Variants in GABRB2 observed in about 807,000 individuals in gnomAD.
GABRB2 encodes gamma-aminobutyric acid type A receptor subunit beta2.
GABRB2 carries 16 observed loss-of-function variants against 54.7 expected under a neutral mutation model. The observed-to-expected ratio is 0.29, with a 90% CI of 0.20 to 0.44. GABRB2 has a LOEUF of 0.44. Ranked by LOEUF, GABRB2 falls within the 20% of genes least tolerant of loss-of-function variation. The pLI is 1.00. For synonymous variants in GABRB2, 244 were observed against 233.8 expected, an observed-to-expected ratio of 1.04 and a Z score of -0.40; for missense variants, 355 against 644.0, an observed-to-expected ratio of 0.55 and a Z score of 4.86.
At chr5:161,311,264 CT>C (rs1482378237) in intron 9 of GABRB2, among the ~76,000 whole-genome samples, 3 of 152,224 alleles carry the variant, frequency 2.0e-5, no homozygotes, top group Non-Finnish European at 4.4e-5. Context: ...TTTTCAGAGA[CT>C]TAGCTAGGCT....
intron 3 of GABRB2, among the ~76,000 whole-genome samples, chr5:161,485,117 A>G (rs1001924658): frequency 6.6e-6 from 1 of 151,836 alleles, no homozygotes; most frequent in Non-Finnish European, 1.5e-5. Flanking sequence ...GTCCTAAAAT[A>G]TATACCACTT....
chr5:161,467,631 T>G (rs1027557771), intron 3 of GABRB2, among the ~76,000 whole-genome samples: 1 of 152,078 alleles, frequency 6.6e-6, no homozygotes, highest in African/African-American at 2.4e-5. Context: ...TATTTCCACT[T>G]TTCAAAAATA....
At chr5:161,384,205 A>G (rs1035742625) in intron 5 of GABRB2, among the ~76,000 whole-genome samples, 1 of 152,248 alleles carries the variant, frequency 6.6e-6, no homozygotes, top group Non-Finnish European at 1.5e-5. Flanking sequence ...GTCAATTAAT[A>G]ATTCAAAAGA....
intron 3 of GABRB2, among the ~76,000 whole-genome samples, chr5:161,513,056 G>GAAAAAA (rs755660749): frequency 7.4e-6 from 1 of 135,934 alleles, no homozygotes; most frequent in African/African-American, 2.7e-5. Flanking sequence ...AAAGAAAAAA[G>GAAAAAA]AAAAAAAAAA....
At chr5:161,304,896 T>A (rs1252623687) in intron 9 of GABRB2, among the ~76,000 whole-genome samples, 2 of 151,980 alleles carry the variant, frequency 1.3e-5, no homozygotes, top group Non-Finnish European at 2.9e-5. Flanking sequence ...TCAATTAAGG[T>A]TGAAAGTAGG....
intron 4 of GABRB2, among the ~76,000 whole-genome samples, chr5:161,451,911 T>G (rs1412639660): frequency 6.6e-6 from 1 of 152,162 alleles, no homozygotes; most frequent in Non-Finnish European, 1.5e-5. Context: ...TTTATTTTCA[T>G]AAGAACTATA....
At chr5:161,320,786 T>C (rs981462250) in intron 9 of GABRB2, among the ~76,000 whole-genome samples, 10 of 151,958 alleles carry the variant, frequency 6.6e-5, no homozygotes, top group African/African-American at 2.4e-4. Context: ...TGAGTTGATA[T>C]ATGCTCTACA....
chr5:161,351,059 C>T (rs1334406936), intron 5 of GABRB2, among the ~76,000 whole-genome samples: 1 of 152,060 alleles, frequency 6.6e-6, no homozygotes, highest in East Asian at 1.9e-4. Flanking sequence ...TCATCTATCC[C>T]ATTAGTTCTG....
chr5:161,346,632 C>T (rs1278338925), intron 5 of GABRB2, among the ~76,000 whole-genome samples: 2 of 152,098 alleles, frequency 1.3e-5, no homozygotes, highest in Non-Finnish European at 2.9e-5. Flanking sequence ...TAAGGGATTG[C>T]AGGCAGGATG....
chr5:161,301,881 A>G lies in GABRB2; in HGVS notation c.1192-7453T>C, dbSNP rs187274759. Among the ~76,000 whole-genome samples, 143 of 152,070 alleles carry G rather than the reference A, an allele frequency of 9.4e-4. 1 individual carries two copies. Among genetic ancestry groups the G allele is most frequent in the Non-Finnish European group, 2.9e-5 (2 of 67,998 alleles). On this transcript the variant is annotated intron_variant, in intron 9 of 9. Coordinates refer to ENST00000393959, the MANE Select transcript of GABRB2 (RefSeq NM_001371727.1). Reference sequence around the variant, plus strand: ...TTAAATCCCAAGTCCATTCCTGACAAGGTTTTTTGGAGAGGCTCTATCAAG... The same window carrying G: ...TTAAATCCCAAGTCCATTCCTGACAGGGTTTTTTGGAGAGGCTCTATCAAG...
chr5:161,457,663 G>A (rs1197436094), intron 4 of GABRB2, among the ~76,000 whole-genome samples: 1 of 151,884 alleles, frequency 6.6e-6, no homozygotes. Context: ...AGTCAGGATG[G>A]TCTTGATCTC....
At chr5:161,513,633 G>A (rs1485255323) in intron 3 of GABRB2, among the ~76,000 whole-genome samples, 1 of 151,958 alleles carries the variant, frequency 6.6e-6, no homozygotes, top group East Asian at 1.9e-4. Context: ...TAATAGTAGG[G>A]GAGGGAGGAC....
intron 3 of GABRB2, among the ~76,000 whole-genome samples, chr5:161,480,296 G>A (rs1758723211): frequency 6.6e-6 from 1 of 151,932 alleles, no homozygotes; most frequent in African/African-American, 2.4e-5. Flanking sequence ...ACTGAAATTT[G>A]GGGTTTGATT....
chr5:161,507,935 G>C (rs983949183), intron 3 of GABRB2, among the ~76,000 whole-genome samples: 2 of 152,044 alleles, frequency 1.3e-5, no homozygotes, highest in Middle Eastern at 3.4e-3. Flanking sequence ...TTGAAGAACA[G>C]TTTGGCAGAA....
chr5:161,374,085 C>T (rs1330815801), intron 5 of GABRB2, among the ~76,000 whole-genome samples: 1 of 152,076 alleles, frequency 6.6e-6, no homozygotes, highest in African/African-American at 2.4e-5. Context: ...GCTAGGATTA[C>T]AGGCATGTGC....
chr5:161,373,989 G>C (rs1449205025), intron 5 of GABRB2, among the ~76,000 whole-genome samples: 2 of 152,056 alleles, frequency 1.3e-5, no homozygotes, highest in Non-Finnish European at 2.9e-5. Context: ...TGTTGCCCAG[G>C]CTGGAGTGCA....
intron 3 of GABRB2, among the ~76,000 whole-genome samples, chr5:161,541,066 G>T (rs1372737944): frequency 6.6e-6 from 1 of 152,010 alleles, no homozygotes; most frequent in Non-Finnish European, 1.5e-5. Context: ...GGCTGGTCTT[G>T]AATGTCTGGG....
intron 3 of GABRB2, among the ~76,000 whole-genome samples, chr5:161,466,289 G>A (rs1011002429): frequency 6.6e-6 from 1 of 152,024 alleles, no homozygotes; most frequent in African/African-American, 2.4e-5. Flanking sequence ...GGTTAAGGTA[G>A]CATCTGCTGG....
At chr5:161,509,596 T>A (rs372020017) in intron 3 of GABRB2, among the ~76,000 whole-genome samples, 1 of 151,998 alleles carries the variant, frequency 6.6e-6, no homozygotes, top group East Asian at 1.9e-4. Flanking sequence ...TATCATTTAT[T>A]TACACATCTC....
Sources: gnomAD v4.1 joint callset for allele counts (sites outside exome capture counted in the v4.1 genomes callset) on GRCh38, gnomAD v4.1.1 for gene constraint, MANE v1.5 for transcripts, NCBI Gene and HGNC (gene_info 2026-07-23, HGNC 2026-07-21) for gene names.